The following C4orf51 variants were observed in gnomAD, a reference collection of about 807,000 sequenced individuals.
C4orf51 encodes uncharacterized protein C4orf51.
Under a neutral mutation model 25.2 loss-of-function variants are expected in C4orf51, and 25 were observed. The ratio of observed to expected loss-of-function variants is 0.99; its 90% CI spans 0.72 to 1.39. The LOEUF (loss-of-function observed/expected upper bound fraction) is 1.39, where lower values mean the gene tolerates loss of function less well. C4orf51 is among the 40% of genes most tolerant of loss of function. C4orf51 has a pLI of 0.00. For missense variants in C4orf51, 252 were observed against 239.6 expected (o/e 1.05, Z -0.34); for synonymous variants, 100 against 84.5 (o/e 1.18, Z -1.01).
chr4:145,680,422 G>A lies in C4orf51; in HGVS notation c.219G>A (p.Glu73=), dbSNP rs146692398. 1,469 of 1,613,362 alleles carry A rather than the reference G, an allele frequency of 9.1e-4. 9 individuals are homozygous for A. In the African/African-American group the frequency reaches 0.016, roughly 18 times the overall value. The change falls in exon 1 of 6, where the codon GAG becomes GAA. Residue 73 remains glutamate (E), a synonymous_variant. Coordinates refer to ENST00000438731, the MANE Select transcript of C4orf51 (RefSeq NM_001080531.3). ...TTTCTTTTAGAGCAGGACAGCATGA[G>A]CCTGAGTGTAAACAGTAAGATTTCT... ...SQFSFRAGQH[E]PECKQMSLTN...
chr4:145,735,866 G>A (rs1308462033), downstream of C4orf51, among the ~76,000 whole-genome samples: 1 of 152,110 alleles, frequency 6.6e-6, no homozygotes, highest in Non-Finnish European at 1.5e-5. Context: ...TATTTATAGT[G>A]GGAACAGGCA....
At chr4:145,768,858 CAAAAAAAAAA>C (rs1174930111) in intron 1 of C4orf51, among the ~76,000 whole-genome samples, 1 of 4,534 alleles carries the variant, frequency 2.2e-4, no homozygotes, top group African/African-American at 5.5e-4. Flanking sequence ...GACTCCGTCT[CAAAAAAAAAA>C]AAAAAAAAAA....
chr4:145,740,752 G>A (rs1733055700), intron 1 of C4orf51, among the ~76,000 whole-genome samples: 2 of 152,168 alleles, frequency 1.3e-5, no homozygotes, highest in African/African-American at 4.8e-5. Context: ...GCCTCTCAAA[G>A]TGTGGTCTGC....
rs952891549 is a variant in C4orf51 at position 145,719,624 on chromosome 4, A to G, written c.308-7287A>G. Reference sequence around the variant, plus strand: ...AAAAAAAAAAGCAGCATCCTTTGAAAAACTGTGTTTCCAATGACAGCCTTT... The same window carrying G: ...AAAAAAAAAAGCAGCATCCTTTGAAGAACTGTGTTTCCAATGACAGCCTTT... On this transcript the variant is annotated intron_variant, in intron 2 of 5. Coordinates refer to ENST00000438731, the MANE Select transcript of C4orf51 (RefSeq NM_001080531.3). Among the ~76,000 whole-genome samples, 9 of 151,610 alleles carry G rather than the reference A, an allele frequency of 5.9e-5. No individual in the cohort carries two copies. In the South Asian group the frequency reaches 1.9e-3, roughly 31 times the overall value.
At chr4:145,684,452 A>G (rs941512169) in intron 1 of C4orf51, among the ~76,000 whole-genome samples, 12 of 152,234 alleles carry the variant, frequency 7.9e-5, no homozygotes, top group Non-Finnish European at 1.5e-4. Flanking sequence ...ACTGCACTCC[A>G]GCCTGGGTGA....
downstream of C4orf51, among the ~76,000 whole-genome samples, chr4:145,771,955 G>A (rs533766714): frequency 6.6e-6 from 1 of 152,284 alleles, no homozygotes; most frequent in South Asian, 2.1e-4. Flanking sequence ...TGAAAATATA[G>A]GGAACAGATG....
chr4:145,733,745 A>G (rs1460935949), downstream of C4orf51, among the ~76,000 whole-genome samples: 1 of 152,168 alleles, frequency 6.6e-6, no homozygotes, highest in Non-Finnish European at 1.5e-5. Flanking sequence ...GATTCCCGGC[A>G]ACCTTCGTAT....
chr4:145,787,959 T>C, the C4orf51 span, among the ~76,000 whole-genome samples: 2 of 152,132 alleles, frequency 1.3e-5, no homozygotes, highest in Non-Finnish European at 2.9e-5. Context: ...TTAACAATCA[T>C]TTTTTTCAAA....
chr4:145,788,301 T>G, the C4orf51 span, among the ~76,000 whole-genome samples: 1 of 152,210 alleles, frequency 6.6e-6, no homozygotes, highest in Non-Finnish European at 1.5e-5. Flanking sequence ...CTTGATTCCT[T>G]GGGTAACAGA....
downstream of C4orf51, among the ~76,000 whole-genome samples, chr4:145,771,890 G>T (rs1473671416): frequency 6.6e-6 from 1 of 152,174 alleles, no homozygotes; most frequent in African/African-American, 2.4e-5. Flanking sequence ...TCAAATTAGA[G>T]AACAAGGCTC....
chr4:145,683,748 A>C (rs1289674168), intron 1 of C4orf51, among the ~76,000 whole-genome samples: 2 of 152,244 alleles, frequency 1.3e-5, no homozygotes, highest in East Asian at 3.8e-4. Context: ...AATTAACTCA[A>C]AATGGATCAT....
chr4:145,732,984 T>C (rs2126778439), downstream of C4orf51, among the ~76,000 whole-genome samples: 1 of 152,260 alleles, frequency 6.6e-6, no homozygotes, highest in East Asian at 1.9e-4. Flanking sequence ...ACCGCCAGGT[T>C]TTCCTCCGCG....
the C4orf51 span, among the ~76,000 whole-genome samples, chr4:145,784,016 G>A: frequency 6.6e-6 from 1 of 152,082 alleles, no homozygotes; most frequent in Non-Finnish European, 1.5e-5. Flanking sequence ...TTGTTTAAAA[G>A]TGTGCAGCAC....
At chr4:145,721,472 C>T (rs1377694410) in intron 2 of C4orf51, among the ~76,000 whole-genome samples, 1 of 152,052 alleles carries the variant, frequency 6.6e-6, no homozygotes, top group Admixed American at 6.6e-5. Flanking sequence ...GCCAGCACAC[C>T]CCAGAGAATC....
intron 1 of C4orf51, among the ~76,000 whole-genome samples, chr4:145,738,207 T>C (rs1203316606): frequency 6.6e-6 from 1 of 152,200 alleles, no homozygotes; most frequent in Non-Finnish European, 1.5e-5. Context: ...CCCAGCACTT[T>C]GGGAGGCCTA....
intron 1 of C4orf51, chr4:145,764,979 T>G (rs752739441): frequency 2.1e-5 from 34 of 1,611,790 alleles, no homozygotes; most frequent in Non-Finnish European, 2.5e-5. Context: ...CTGTACTTGC[T>G]TTCCTTACTT....
downstream of C4orf51, among the ~76,000 whole-genome samples, chr4:145,774,026 G>C (rs184419587): frequency 1.3e-4 from 20 of 152,300 alleles, no homozygotes; most frequent in African/African-American, 3.8e-4. Context: ...TACTGAACTA[G>C]TGACTGAAAC....
At chr4:145,750,207 A>G (rs6849126) in intron 1 of C4orf51, among the ~76,000 whole-genome samples, 83,066 of 151,828 alleles carry the variant, frequency 0.55, 24,254 homozygotes, top group East Asian at 0.8. Context: ...GTGTATTTAC[A>G]TTACCAGTGA....
At chr4:145,695,427 ATTGT>A (rs1331369571) in intron 1 of C4orf51, among the ~76,000 whole-genome samples, 4 of 151,414 alleles carry the variant, frequency 2.6e-5, no homozygotes, top group East Asian at 1.9e-4. Flanking sequence ...TTTTAATGGG[ATTGT>A]TTGTTTTTTT....
Sources: gnomAD v4.1 joint callset for allele counts (sites outside exome capture counted in the v4.1 genomes callset) on GRCh38, gnomAD v4.1.1 for gene constraint, MANE v1.5 for transcripts, NCBI Gene and HGNC (gene_info 2026-07-23, HGNC 2026-07-21) for gene names.